Variants in DDX10 observed in about 807,000 individuals in gnomAD.
The protein encoded by DDX10 is DEAD-box helicase 10.
A neutral mutation model predicts 104.3 loss-of-function variants in DDX10; 74 were observed. The ratio of observed to expected loss-of-function variants is 0.71; its 90% CI spans 0.59 to 0.86. The LOEUF (loss-of-function observed/expected upper bound fraction) is 0.86. DDX10 is among the 40% of genes least tolerant of loss of function. DDX10 has a pLI of 0.00. For missense variants in DDX10, 952 were observed against 1,040.0 expected (o/e 0.92, Z 1.16); for synonymous variants, 351 against 353.4 (o/e 0.99, Z 0.08).
At chr11:108,881,715 G>C (rs150278404) in intron 16 of DDX10, among the ~76,000 whole-genome samples, 2 of 152,252 alleles carry the variant, frequency 1.3e-5, no homozygotes, top group African/African-American at 4.8e-5. Flanking sequence ...CATGTTTAGG[G>C]TAGGGTGGGC....
At chr11:108,772,884 A>G (rs2094365114) in intron 13 of DDX10, among the ~76,000 whole-genome samples, 2 of 152,202 alleles carry the variant, frequency 1.3e-5, no homozygotes, top group African/African-American at 4.8e-5. Flanking sequence ...CCCTCGTGCC[A>G]AAAAGGTTGG....
At chr11:108,807,362 G>GTGAC (rs1555027574) in intron 13 of DDX10, among the ~76,000 whole-genome samples, 1 of 152,162 alleles carries the variant, frequency 6.6e-6, no homozygotes, top group Non-Finnish European at 1.5e-5. Flanking sequence ...ATTTTAAACT[G>GTGAC]TGACTGGTAG....
chr11:108,674,311 T>A (rs1275758161), intron 2 of DDX10, among the ~76,000 whole-genome samples: 1 of 151,476 alleles, frequency 6.6e-6, no homozygotes, highest in Non-Finnish European at 1.5e-5. Context: ...AAAAAAAAAA[T>A]TGTATATATT....
At chr11:108,677,300 T>C (rs933470634) in intron 4 of DDX10, 57 bp downstream of exon 4, 132 of 1,492,738 alleles carry the variant, frequency 8.8e-5, no homozygotes, top group Non-Finnish European at 1.1e-4. Flanking sequence ...TGGAGTACTG[T>C]GGCCGATGAC....
chr11:108,671,767 C>T (rs948217482), intron 1 of DDX10, among the ~76,000 whole-genome samples: 4 of 152,118 alleles, frequency 2.6e-5, no homozygotes, highest in Non-Finnish European at 5.9e-5. Context: ...TCAAAAGTTC[C>T]TTTTCTTCGT....
At chr11:108,919,271 T>C (rs1863792243) in intron 17 of DDX10, 1 of 152,156 alleles carries the variant, frequency 6.6e-6, no homozygotes, top group Non-Finnish European at 1.5e-5. Flanking sequence ...CATCATTGTT[T>C]TACTACCACA....
chr11:108,925,469 G>T (rs1347403288), intron 17 of DDX10, among the ~76,000 whole-genome samples: 1 of 152,180 alleles, frequency 6.6e-6, no homozygotes, highest in African/African-American at 2.4e-5. Context: ...TGCTAGTAGG[G>T]TTCTCTGGCA....
intron 13 of DDX10, among the ~76,000 whole-genome samples, chr11:108,762,896 C>T (rs1458364119): frequency 3.9e-5 from 6 of 152,132 alleles, no homozygotes; most frequent in Non-Finnish European, 1.5e-5. Context: ...TAAAATGTTG[C>T]CCATAGGCTG....
chr11:108,838,596 G>A (rs1862593602), intron 14 of DDX10, 31 bp downstream of exon 14: 3 of 1,590,188 alleles, frequency 1.9e-6, no homozygotes, highest in South Asian at 1.1e-5. Flanking sequence ...CATTTCTGAG[G>A]TGCATTTGGA....
intron 13 of DDX10, among the ~76,000 whole-genome samples, chr11:108,787,756 C>A (rs1260353671): frequency 6.6e-6 from 1 of 151,984 alleles, no homozygotes; most frequent in Non-Finnish European, 1.5e-5. Flanking sequence ...CATGGAGAAA[C>A]CCCGTCTCTA....
chr11:108,773,846 G>T (rs2094366444), intron 13 of DDX10, among the ~76,000 whole-genome samples: 1 of 152,254 alleles, frequency 6.6e-6, no homozygotes, highest in Non-Finnish European at 1.5e-5. Flanking sequence ...TGAGAAGGGA[G>T]ACCCAGCCCT....
intron 13 of DDX10, among the ~76,000 whole-genome samples, chr11:108,817,608 A>G (rs1312786704): frequency 6.6e-6 from 1 of 152,222 alleles, no homozygotes; most frequent in African/African-American, 2.4e-5. Context: ...ACTGTACCCC[A>G]GGTGCCTAGA....
Position 108,903,877 on chromosome 11 carries a change from A to G in DDX10, c.2305-13996A>G, listed in dbSNP as rs532283082. Among the ~76,000 whole-genome samples, 10 of 152,288 alleles carry G rather than the reference A, an allele frequency of 6.6e-5. No individual in the cohort carries two copies. The East Asian group carries it at 1.9e-3, about 29-fold the overall frequency. ...TCTGACTGTTATAAATAATGCTGCT[A>G]TGAACGTTTATGTGCAGGTTTTTCT... On this transcript the variant is annotated intron_variant, in intron 16 of 17. Coordinates refer to ENST00000322536, the MANE Select transcript of DDX10 (RefSeq NM_004398.4).
At chr11:108,875,302 T>C (rs957889237) in intron 16 of DDX10, among the ~76,000 whole-genome samples, 18 of 152,200 alleles carry the variant, frequency 1.2e-4, no homozygotes, top group Admixed American at 3.3e-4. Context: ...ATCTTAGCTC[T>C]TTATCTCTAT....
chr11:108,739,790 G>A (rs2094322912), intron 13 of DDX10, among the ~76,000 whole-genome samples: 1 of 152,162 alleles, frequency 6.6e-6, no homozygotes, highest in South Asian at 2.1e-4. Flanking sequence ...CAGATGCCGA[G>A]TGAGTATCTT....
intron 16 of DDX10, among the ~76,000 whole-genome samples, chr11:108,855,364 G>A (rs1319780111): frequency 1.3e-5 from 2 of 152,198 alleles, no homozygotes; most frequent in Non-Finnish European, 1.5e-5. Context: ...TTGTATAAAT[G>A]TAAGGAAAAG....
At chr11:108,842,500 G>A (rs765822985) in intron 15 of DDX10, among the ~76,000 whole-genome samples, 4 of 152,148 alleles carry the variant, frequency 2.6e-5, no homozygotes, top group Non-Finnish European at 4.4e-5. Flanking sequence ...AAATAGAACA[G>A]CAATTCTCAT....
chr11:108,817,598 A>G (rs972664513), intron 13 of DDX10, among the ~76,000 whole-genome samples: 2 of 152,212 alleles, frequency 1.3e-5, no homozygotes, highest in South Asian at 2.1e-4. Flanking sequence ...TGCAAACTCT[A>G]CTGTACCCCA....
intron 14 of DDX10, among the ~76,000 whole-genome samples, chr11:108,841,002 T>C (rs1862629639): frequency 6.6e-6 from 1 of 152,202 alleles, no homozygotes; most frequent in African/African-American, 2.4e-5. Flanking sequence ...CTGAGTTGTG[T>C]GGAGAATAGG....
Sources: gnomAD v4.1 joint callset for allele counts (sites outside exome capture counted in the v4.1 genomes callset) on GRCh38, gnomAD v4.1.1 for gene constraint, MANE v1.5 for transcripts, NCBI Gene and HGNC (gene_info 2026-07-23, HGNC 2026-07-21) for gene names.